The following MAGI2 variants were observed in gnomAD, a reference collection of about 807,000 sequenced individuals.
MAGI2 encodes the protein membrane associated guanylate kinase, WW and PDZ domain containing 2, also known as membrane-associated guanylate kinase, WW and PDZ domain-containing protein 2.
MAGI2 carries 35 observed loss-of-function variants against 133.3 expected under a neutral mutation model. The observed-to-expected ratio is 0.26, with a 90% CI of 0.20 to 0.35. The LOEUF (loss-of-function observed/expected upper bound fraction) is 0.35. Among genes scored for constraint, MAGI2 ranks in the 10% least tolerant of loss-of-function variants. The probability of loss-of-function intolerance (pLI) is 1.00; values close to 1 mark genes in which losing one functional copy is unlikely to be tolerated. For synonymous variants in MAGI2, 729 were observed against 710.6 expected, an observed-to-expected ratio of 1.03 and a Z score of -0.41; for missense variants, 1,636 against 1,863.4, an observed-to-expected ratio of 0.88 and a Z score of 2.25.
chr7:78,245,664 TTC>T (rs1477564835), intron 10 of MAGI2, among the ~76,000 whole-genome samples: 4 of 152,056 alleles, frequency 2.6e-5, no homozygotes, highest in African/African-American at 9.7e-5. Flanking sequence ...CAGGAGGGAC[TTC>T]TCCCTGTGAG....
chr7:78,103,738 A>T (rs1010804074), intron 20 of MAGI2, among the ~76,000 whole-genome samples: 1 of 152,278 alleles, frequency 6.6e-6, no homozygotes, highest in Non-Finnish European at 1.5e-5. Context: ...ATACATGTTC[A>T]ATTGCTCAGA....
chr7:78,920,555 T>G (rs1799143945), intron 2 of MAGI2, among the ~76,000 whole-genome samples: 1 of 152,132 alleles, frequency 6.6e-6, no homozygotes, highest in African/African-American at 2.4e-5. Context: ...AATAAAAACT[T>G]AATGAATTAA....
intron 1 of MAGI2, among the ~76,000 whole-genome samples, chr7:79,080,208 A>G (rs1417876058): frequency 1.3e-5 from 2 of 152,142 alleles, no homozygotes; most frequent in African/African-American, 2.4e-5. Flanking sequence ...ATTTATATTG[A>G]TATCATAAAA....
intron 9 of MAGI2, among the ~76,000 whole-genome samples, chr7:78,265,545 AAAGATTTTCAAG>A (rs1793914594): frequency 6.6e-6 from 1 of 152,212 alleles, no homozygotes; most frequent in South Asian, 2.1e-4. Flanking sequence ...AAAGAACCCA[AAAGATTTTCAAG>A]AAGAAATCTT....
chr7:79,135,435 C>T (rs1562927945), intron 1 of MAGI2, among the ~76,000 whole-genome samples: 1 of 152,076 alleles, frequency 6.6e-6, no homozygotes, highest in Non-Finnish European at 1.5e-5. Context: ...TATATAGAAA[C>T]AACACAAACT....
chr7:78,192,776 C>G (rs1828361172), intron 12 of MAGI2, among the ~76,000 whole-genome samples: 1 of 151,910 alleles, frequency 6.6e-6, no homozygotes, highest in Admixed American at 6.6e-5. Flanking sequence ...GATTTTTGAC[C>G]CTGAAAACAT....
intron 2 of MAGI2, among the ~76,000 whole-genome samples, chr7:78,841,113 A>G (rs1321648210): frequency 6.6e-6 from 1 of 151,868 alleles, no homozygotes; most frequent in Non-Finnish European, 1.5e-5. Context: ...TTCTCCCCCA[A>G]GTCTGTCTCA....
At chr7:78,416,564 T>A (rs1381487135) in intron 6 of MAGI2, among the ~76,000 whole-genome samples, 3 of 152,146 alleles carry the variant, frequency 2.0e-5, no homozygotes, top group Non-Finnish European at 4.4e-5. Context: ...TCTAAAACAC[T>A]TTTTTGCCTC....
intron 1 of MAGI2, among the ~76,000 whole-genome samples, chr7:79,308,813 CT>C: frequency 6.6e-6 from 1 of 152,210 alleles, no homozygotes; most frequent in South Asian, 2.1e-4. Context: ...ATAATCATTT[CT>C]TTTCTTAAGA....
chr7:78,984,939 T>A (rs536676007), intron 2 of MAGI2, among the ~76,000 whole-genome samples: 1 of 151,984 alleles, frequency 6.6e-6, no homozygotes, highest in Non-Finnish European at 1.5e-5. Flanking sequence ...TCTAAGTGAA[T>A]AAATCAATCA....
At chr7:78,847,830 T>C (rs1339474761) in intron 2 of MAGI2, among the ~76,000 whole-genome samples, 1 of 152,012 alleles carries the variant, frequency 6.6e-6, no homozygotes, top group Admixed American at 6.6e-5. Context: ...GTTTATTGAC[T>C]GTCTCCCTCC....
intron 2 of MAGI2, among the ~76,000 whole-genome samples, chr7:78,950,388 G>A (rs1402141462): frequency 6.6e-6 from 1 of 152,086 alleles, no homozygotes; most frequent in African/African-American, 2.4e-5. Context: ...AAAAAATGCA[G>A]TTAGTATCCA....
intron 2 of MAGI2, among the ~76,000 whole-genome samples, chr7:78,670,620 C>G (rs1409839420): frequency 6.6e-6 from 1 of 152,098 alleles, no homozygotes. Flanking sequence ...CCAAGTCAAT[C>G]CTAAGCCAAA....
intron 4 of MAGI2, among the ~76,000 whole-genome samples, chr7:78,503,046 T>C (rs1426377707): frequency 1.3e-5 from 2 of 152,064 alleles, no homozygotes; most frequent in African/African-American, 2.4e-5. Flanking sequence ...TGAACAGATA[T>C]GATTACTTAC....
chr7:78,611,849 C>G (rs1041356736), intron 3 of MAGI2, among the ~76,000 whole-genome samples: 2 of 152,144 alleles, frequency 1.3e-5, no homozygotes, highest in African/African-American at 4.8e-5. Flanking sequence ...CTACAACTGA[C>G]CTGAATCCAC....
intron 3 of MAGI2, among the ~76,000 whole-genome samples, chr7:78,573,367 TATATATATATATATATATATA>T (rs1563189549): frequency 0.034 from 263 of 7,726 alleles, 18 homozygotes; most frequent in African/African-American, 0.12. Flanking sequence ...ATCCTGGAAA[TATATATATATATATATATATA>T]TATATATATA....
chr7:78,285,235 C>G (rs184749898), intron 9 of MAGI2, among the ~76,000 whole-genome samples: 3 of 151,942 alleles, frequency 2.0e-5, no homozygotes, highest in African/African-American at 7.2e-5. Context: ...ATCTAGGTTA[C>G]GCATCCAAAA....
At chr7:78,760,894 T>C (rs1348161104) in intron 2 of MAGI2, among the ~76,000 whole-genome samples, 1 of 152,188 alleles carries the variant, frequency 6.6e-6, no homozygotes, top group Non-Finnish European at 1.5e-5. Flanking sequence ...AGATTACCTC[T>C]CTACTCTCAC....
At chr7:78,224,565 C>T (rs1049817747) in intron 10 of MAGI2, among the ~76,000 whole-genome samples, 2 of 152,006 alleles carry the variant, frequency 1.3e-5, no homozygotes, top group Non-Finnish European at 2.9e-5. Context: ...ACTTGGGAGG[C>T]TGACGCAGGG....
Sources: gnomAD v4.1 joint callset for allele counts (sites outside exome capture counted in the v4.1 genomes callset) on GRCh38, gnomAD v4.1.1 for gene constraint, MANE v1.5 for transcripts, NCBI Gene and HGNC (gene_info 2026-07-23, HGNC 2026-07-21) for gene names.